The following SLC44A5 variants were observed in gnomAD, a reference collection of about 807,000 sequenced individuals.
SLC44A5 encodes choline transporter-like protein 5.
A neutral mutation model predicts 101.8 loss-of-function variants in SLC44A5; 57 were observed. The observed-to-expected ratio is 0.56, with a 90% confidence interval of 0.45 to 0.70. SLC44A5 has a LOEUF of 0.70. SLC44A5 is among the 30% of genes least tolerant of loss of function. The pLI is 0.00. For synonymous variants in SLC44A5, 281 were observed against 290.9 expected (o/e 0.97, Z 0.35); for missense variants, 737 against 853.1 (o/e 0.86, Z 1.70).
At chr1:75,644,564 T>C in the SLC44A5 span, among the ~76,000 whole-genome samples, 4 of 151,850 alleles carry the variant, frequency 2.6e-5, no homozygotes, top group Non-Finnish European at 5.9e-5. Flanking sequence ...TCATGGCTGA[T>C]ACACCTGTAA....
At chr1:75,310,680 C>G (rs1344199341) in intron 4 of SLC44A5, among the ~76,000 whole-genome samples, 1 of 152,010 alleles carries the variant, frequency 6.6e-6, no homozygotes, top group Non-Finnish European at 1.5e-5. Context: ...CAAGTCAACC[C>G]AAATGGATTG....
At chr1:75,419,261 A>G (rs906243595) in intron 2 of SLC44A5, among the ~76,000 whole-genome samples, 3 of 152,184 alleles carry the variant, frequency 2.0e-5, no homozygotes, top group Non-Finnish European at 2.9e-5. Flanking sequence ...CAAGAATTTC[A>G]TCAAACCCCA....
chr1:75,509,729 C>T (rs770353974), intron 2 of SLC44A5, among the ~76,000 whole-genome samples: 1 of 152,136 alleles, frequency 6.6e-6, no homozygotes, highest in Non-Finnish European at 1.5e-5. Flanking sequence ...GTTACAGAGA[C>T]AAAATACAGT....
At chr1:75,261,727 G>A (rs1000567915) in intron 6 of SLC44A5, among the ~76,000 whole-genome samples, 17 of 152,020 alleles carry the variant, frequency 1.1e-4, no homozygotes, top group Non-Finnish European at 1.9e-4. Context: ...AGAAATTTCA[G>A]GCCAATATCC....
At chr1:75,330,112 C>T (rs983495902) in intron 4 of SLC44A5, among the ~76,000 whole-genome samples, 1,761 of 128,290 alleles carry the variant, frequency 0.014, 30 homozygotes, top group African/African-American at 0.052. Context: ...TATATACACA[C>T]ACACACACAC....
intron 2 of SLC44A5, among the ~76,000 whole-genome samples, chr1:75,503,763 T>C (rs1570466775): frequency 6.6e-6 from 1 of 152,290 alleles, no homozygotes; most frequent in East Asian, 1.9e-4. Flanking sequence ...AGATTGTGTC[T>C]ACATAAACGG....
intron 5 of SLC44A5, among the ~76,000 whole-genome samples, chr1:75,290,986 A>G (rs1653493816): frequency 6.6e-6 from 1 of 152,246 alleles, no homozygotes; most frequent in Non-Finnish European, 1.5e-5. Flanking sequence ...AAAAGATGGG[A>G]CAAAGCATAT....
intron 1 of SLC44A5, among the ~76,000 whole-genome samples, chr1:75,564,695 C>A (rs1395679920): frequency 6.6e-6 from 1 of 151,734 alleles, no homozygotes; most frequent in African/African-American, 2.4e-5. Context: ...TATCGGCTCA[C>A]TGCAAGCTCA....
At chr1:75,251,736 A>AT (rs1169424567) in intron 6 of SLC44A5, among the ~76,000 whole-genome samples, 5 of 152,172 alleles carry the variant, frequency 3.3e-5, no homozygotes, top group Non-Finnish European at 5.9e-5. Context: ...TGCTTAGTTT[A>AT]TTTTTTGTGC....
chr1:75,712,177 A>T, the SLC44A5 span, among the ~76,000 whole-genome samples: 1 of 152,342 alleles, frequency 6.6e-6, no homozygotes, highest in South Asian at 2.1e-4. Context: ...TACATGGTAA[A>T]GACTGGTTTT....
intron 2 of SLC44A5, among the ~76,000 whole-genome samples, chr1:75,534,327 G>T (rs1670884225): frequency 6.6e-6 from 1 of 151,956 alleles, no homozygotes; most frequent in South Asian, 2.1e-4. Context: ...TACATACATG[G>T]TCATACATGG....
the SLC44A5 span, among the ~76,000 whole-genome samples, chr1:75,708,476 C>T: frequency 2.1e-5 from 3 of 141,224 alleles, no homozygotes; most frequent in South Asian, 6.9e-4. Context: ...ATGTGAATTT[C>T]AGGATTATGT....
chr1:75,285,144 G>C (rs76883739), intron 5 of SLC44A5, among the ~76,000 whole-genome samples: 10,620 of 151,518 alleles, frequency 0.07, 444 homozygotes, highest in Middle Eastern at 0.13. Context: ...GGACTTTTTT[G>C]TTGTTGGCAA....
chr1:75,223,344 G>C lies in SLC44A5; in HGVS notation c.986-884C>G, dbSNP rs577852873. ...GTTTTCTTTTCTCTTCAGCTAGCTT[G>C]AACTAGTTTTTTTTAAACTTGAAGC... On this transcript the variant is annotated intron_variant, in intron 13 of 23. Transcript: ENST00000370859. Among the ~76,000 whole-genome samples the C allele has an allele frequency of 2.7e-4, 41 of 152,170 alleles. No individual in the cohort carries two copies. The South Asian group carries it at 7.1e-3, about 26-fold the overall frequency.
chr1:75,205,048 G>C (rs978438084), intron 23 of SLC44A5: 2 of 152,170 alleles, frequency 1.3e-5, no homozygotes, highest in African/African-American at 4.8e-5. Context: ...GAATGCAGAA[G>C]GCTCTTTGCC....
At chr1:75,552,626 G>GTT (rs10715457) in intron 1 of SLC44A5, among the ~76,000 whole-genome samples, 1 of 129,698 alleles carries the variant, frequency 7.7e-6, no homozygotes, top group African/African-American at 2.9e-5. Flanking sequence ...TGTATGGCTG[G>GTT]TTTTTTTTTT....
chr1:75,422,324 G>A (rs1333156773), intron 2 of SLC44A5, among the ~76,000 whole-genome samples: 1 of 152,192 alleles, frequency 6.6e-6, no homozygotes, highest in Non-Finnish European at 1.5e-5. Flanking sequence ...ATCATAGGAG[G>A]CCGGAAGAGA....
chr1:75,622,414 C>A, the SLC44A5 span, among the ~76,000 whole-genome samples: 255 of 152,132 alleles, frequency 1.7e-3, 1 homozygote, highest in Non-Finnish European at 3.0e-3. Context: ...GAATTGCATT[C>A]CTCTAGAAGG....
At chr1:75,322,372 A>G (rs1416945694) in intron 4 of SLC44A5, among the ~76,000 whole-genome samples, 1 of 151,226 alleles carries the variant, frequency 6.6e-6, no homozygotes, top group East Asian at 1.9e-4. Flanking sequence ...TAACCAATAC[A>G]TCCTTATTAT....
Sources: gnomAD v4.1 joint callset for allele counts (sites outside exome capture counted in the v4.1 genomes callset) on GRCh38, gnomAD v4.1.1 for gene constraint, MANE v1.5 for transcripts, NCBI Gene and HGNC (gene_info 2026-07-23, HGNC 2026-07-21) for gene names.